The following COL23A1 variants were observed in gnomAD, a reference collection of about 807,000 sequenced individuals.
COL23A1 encodes the protein collagen alpha-1(XXIII) chain.
Under a neutral mutation model 99.3 loss-of-function variants are expected in COL23A1, and 97 were observed. The ratio of observed to expected loss-of-function variants is 0.98; its 90% CI spans 0.83 to 1.16. The LOEUF (loss-of-function observed/expected upper bound fraction) is 1.16, where lower values mean the gene tolerates loss of function less well. COL23A1 is among the 50% of genes most tolerant of loss of function. The probability of loss-of-function intolerance (pLI) is 0.00; values close to 1 mark genes in which losing one functional copy is unlikely to be tolerated. For synonymous variants in COL23A1, 320 were observed against 308.2 expected, an observed-to-expected ratio of 1.04 and a Z score of -0.40; for missense variants, 762 against 757.4, an observed-to-expected ratio of 1.01 and a Z score of -0.07.
At chr5:178,481,445 G>C (rs1291858948) in intron 2 of COL23A1, among the ~76,000 whole-genome samples, 1 of 152,162 alleles carries the variant, frequency 6.6e-6, no homozygotes, top group Non-Finnish European at 1.5e-5. Context: ...ACAACCCAGA[G>C]AATTTGCAAG....
intron 2 of COL23A1, among the ~76,000 whole-genome samples, chr5:178,447,221 G>A (rs560189465): frequency 1.4e-3 from 215 of 152,070 alleles, no homozygotes; most frequent in Non-Finnish European, 2.2e-3. Context: ...AGCCTCCCGA[G>A]TAGCTGGGAT....
rs527668341 is a variant in COL23A1, at chr5:178,573,919, T to C, written c.295-13171A>G. 1.2e-4 allele frequency among the ~76,000 whole-genome samples: 18 copies of C among 152,164 alleles called. No homozygotes were observed. In the South Asian group the frequency reaches 1.5e-3, roughly 12 times the overall value. ...TGTCACCCAGGCTGGAGTACAGTGATGCAATCTCCACTCACTGCAAATTCA... is the reference window on the plus strand; with the variant it reads ...TGTCACCCAGGCTGGAGTACAGTGACGCAATCTCCACTCACTGCAAATTCA... On this transcript the variant is annotated intron_variant, in intron 1 of 28. Transcript: ENST00000390654.
chr5:178,576,979 C>T (rs1042727514), intron 1 of COL23A1, among the ~76,000 whole-genome samples: 3 of 151,900 alleles, frequency 2.0e-5, no homozygotes, highest in Non-Finnish European at 4.4e-5. Flanking sequence ...GCGCAGCGCC[C>T]GGGGAGCGGC....
At position 178,269,771 on chromosome 5, in the gene COL23A1, T is replaced by TCCAA. The variant is rs1454123267; in HGVS notation, c.468+565_468+566insTTGG. ...CACTATCCATCCAACCACCCACCAA[T>TCCAA]CCATCCATCCATCTATCCAGTCAGC... On this transcript the variant is annotated intron_variant, in intron 6 of 28. Transcript: ENST00000390654. Among the ~76,000 whole-genome samples, 152 of 144,060 alleles carry TCCAA rather than the reference T, an allele frequency of 1.1e-3. 2 individuals are homozygous for TCCAA. Among genetic ancestry groups the TCCAA allele is most frequent in the Admixed American group, 9.5e-3 (138 of 14,522 alleles). The allele number at this position is 144,060 out of a possible 152,430, so 94.5% of individuals were successfully genotyped here.
rs1756879837 is a variant in COL23A1 at position 178,281,199 on chromosome 5, T to C, written c.441+7125A>G. On this transcript the variant is annotated intron_variant, in intron 5 of 28. Coordinates refer to ENST00000390654, the MANE Select transcript of COL23A1 (RefSeq NM_173465.4). The surrounding 1 kb of genome is among the most constrained non-coding windows in gnomAD (Gnocchi z 4.0). ...AAATGAGATGGAGGATGTTGAAATC[T>C]AAAAACAGATGAATTTGGGATATTT... is the stretch of plus-strand genomic sequence containing the variant. 6.6e-6 allele frequency among the ~76,000 whole-genome samples: 1 copy of C among 152,228 alleles called. No individual in the cohort carries two copies. Among genetic ancestry groups the C allele is most frequent in the Non-Finnish European group, 1.5e-5 (1 of 68,030 alleles).
intron 2 of COL23A1, among the ~76,000 whole-genome samples, chr5:178,555,583 C>G (rs1762228118): frequency 6.6e-6 from 1 of 152,146 alleles, no homozygotes; most frequent in South Asian, 2.1e-4. Flanking sequence ...TAAAAATTTC[C>G]TTTTTCGCTT....
chr5:178,429,263 A>G (rs1766122567), intron 2 of COL23A1, among the ~76,000 whole-genome samples: 1 of 151,714 alleles, frequency 6.6e-6, no homozygotes, highest in East Asian at 1.9e-4. Flanking sequence ...AGGCCCGTCT[A>G]CCTCAAGCCC....
At chr5:178,456,772 G>C (rs957940983) in intron 2 of COL23A1, among the ~76,000 whole-genome samples, 2 of 152,096 alleles carry the variant, frequency 1.3e-5, no homozygotes, top group Non-Finnish European at 2.9e-5. Context: ...TGAAAGGCAA[G>C]TGACAAAGTG....
In COL23A1 at chr5:178,308,894, C is replaced by G. The variant is rs1479593048; in HGVS notation, c.362-1975G>C. On this transcript the variant is annotated intron_variant, in intron 2 of 28. Transcript: ENST00000390654. This position sits in a 1 kb window ranked among gnomAD's most constrained non-coding sequence, Gnocchi z 5.1. The stretch of plus-strand genomic sequence containing the variant: ...GCGAGGTACGGGAACGGGAGCCCCC[C>G]GGCACACGCAGCACCATGTTCCTCG... Among the ~76,000 whole-genome samples, 1 of 152,140 alleles carries G rather than the reference C, an allele frequency of 6.6e-6. No homozygotes were observed. The highest frequency in any genetic ancestry group is 1.5e-5 in the Non-Finnish European group (1 of 68,022).
intron 6 of COL23A1, among the ~76,000 whole-genome samples, chr5:178,269,970 G>A (rs1226111732): frequency 6.6e-6 from 1 of 152,252 alleles, no homozygotes; most frequent in Non-Finnish European, 1.5e-5. Flanking sequence ...GGGCAGTCTT[G>A]AGAACGTAGT....
intron 2 of COL23A1, among the ~76,000 whole-genome samples, chr5:178,555,832 G>A (rs568770614): frequency 7.2e-5 from 11 of 152,266 alleles, no homozygotes; most frequent in Admixed American, 3.3e-4. Context: ...GGTGGAGGCC[G>A]GACCATAGGG....
intron 4 of COL23A1, 61 bp from the exon 5 acceptor site, chr5:178,288,411 T>C (rs1757273077): frequency 1.4e-6 from 2 of 1,441,906 alleles, no homozygotes; most frequent in Non-Finnish European, 2.0e-6. Context: ...TGGCAACACT[T>C]AGAGCTCAAT....
chr5:178,419,533 G>C (rs1183109618), intron 2 of COL23A1, among the ~76,000 whole-genome samples: 1 of 152,236 alleles, frequency 6.6e-6, no homozygotes, highest in African/African-American at 2.4e-5. Flanking sequence ...CTGTTTTGTA[G>C]ATGAGAAAGT....
At chr5:178,380,588 T>C (rs948972616) in intron 2 of COL23A1, among the ~76,000 whole-genome samples, 1 of 152,232 alleles carries the variant, frequency 6.6e-6, no homozygotes, top group African/African-American at 2.4e-5. Context: ...AATGTATACA[T>C]TTCTACGTGG....
chr5:178,252,099 G>C (rs1460384921), intron 17 of COL23A1, among the ~76,000 whole-genome samples: 1 of 151,710 alleles, frequency 6.6e-6, no homozygotes, highest in Non-Finnish European at 1.5e-5. Flanking sequence ...ATTTTTAGTA[G>C]AGACAGAGTT....
At position 178,450,543 on chromosome 5, in the gene COL23A1, C is replaced by T. The variant is rs1767430102; in HGVS notation, c.361+110139G>A. On this transcript the variant is annotated intron_variant, in intron 2 of 28. Transcript: ENST00000390654. Reference sequence around the variant, plus strand: ...AAGCTGGGTGTCCACAGCCTCCGAGCCGCTACACCGGTGTCTGTGCTGTTA... The same window carrying T: ...AAGCTGGGTGTCCACAGCCTCCGAGTCGCTACACCGGTGTCTGTGCTGTTA... 2.0e-5 allele frequency among the ~76,000 whole-genome samples: 3 copies of T among 152,116 alleles called. 1 individual carries two copies. The highest frequency in any genetic ancestry group is 7.2e-5 in the African/African-American group (3 of 41,410).
chr5:178,542,673 C>T (rs1028771636), intron 2 of COL23A1, among the ~76,000 whole-genome samples: 1 of 149,348 alleles, frequency 6.7e-6, no homozygotes, highest in African/African-American at 2.5e-5. Flanking sequence ...GAGCTCTAGA[C>T]AGAAAAATGG....
chr5:178,434,560 T>C lies in COL23A1; in HGVS notation c.361+126122A>G, dbSNP rs1262309050. On this transcript the variant is annotated intron_variant, in intron 2 of 28. Coordinates refer to ENST00000390654, the MANE Select transcript of COL23A1 (RefSeq NM_173465.4). This position sits in a 1 kb window ranked among gnomAD's most constrained non-coding sequence, Gnocchi z 4.3. ...CTGAGCCCCAGCCTGGGGCCTTCCC[T>C]GGGGCCTTCCACTGGCGCTCTTCCT... 6.6e-6 allele frequency among the ~76,000 whole-genome samples: 1 copy of C among 152,104 alleles called. No individual in the cohort carries two copies. Among genetic ancestry groups the C allele is most frequent in the African/African-American group, 2.4e-5 (1 of 41,422 alleles).
intron 2 of COL23A1, among the ~76,000 whole-genome samples, chr5:178,513,924 C>A (rs1347376444): frequency 1.3e-5 from 2 of 152,140 alleles, no homozygotes; most frequent in African/African-American, 2.4e-5. Flanking sequence ...TGCCATCTTA[C>A]CCATTTATAA....
Sources: allele counts gnomAD v4.1 joint callset (sites outside exome capture counted in the v4.1 genomes callset), GRCh38; gene constraint gnomAD v4.1.1; non-coding constraint Gnocchi (gnomAD v3.1); transcripts MANE v1.5; gene names NCBI Gene and HGNC (gene_info 2026-07-23, HGNC 2026-07-21).